RAB11FIP3: variants seen among roughly 807,000 people sequenced by gnomAD.
The protein encoded by RAB11FIP3 is RAB11 family interacting protein 3.
In RAB11FIP3, 17 loss-of-function variants were observed where a neutral mutation model predicts 77.8. The ratio of observed to expected loss-of-function variants is 0.22; its 90% CI spans 0.15 to 0.33. RAB11FIP3 has a LOEUF of 0.33. Ranked by LOEUF, RAB11FIP3 falls within the 10% of genes least tolerant of loss-of-function variation. The pLI is 1.00. For synonymous variants in RAB11FIP3, 437 were observed against 448.2 expected (o/e 0.98, Z 0.31); for missense variants, 1,005 against 1,011.2 (o/e 0.99, Z 0.08).
Position 455,062 on chromosome 16 carries a change from A to AC in RAB11FIP3, c.715-6342_715-6341insC, listed in dbSNP as rs1332488236. On this transcript the variant is annotated intron_variant, in intron 1 of 13. Coordinates refer to ENST00000262305, the MANE Select transcript of RAB11FIP3 (RefSeq NM_014700.4). ...GAAACTCCGTCTCAAAAAAAAAAAC[A>AC]AAAAAACTAGGCTTTCTTTCTTTTT... Among the ~76,000 whole-genome samples, 233 of 147,310 alleles carry AC rather than the reference A, an allele frequency of 1.6e-3. 3 individuals carry two copies. Among genetic ancestry groups the AC allele is most frequent in the African/African-American group, 5.1e-3 (206 of 40,380 alleles).
At chr16:465,972 G>T (rs1449135661) in intron 2 of RAB11FIP3, among the ~76,000 whole-genome samples, 1 of 152,172 alleles carries the variant, frequency 6.6e-6, no homozygotes, top group African/African-American at 2.4e-5. Context: ...GTAACTCCAC[G>T]CATTTTGAAT....
chr16:520,546 A>G lies in RAB11FIP3; in HGVS notation c.2104A>G (p.Thr702Ala). ...SIQGAKSLFS[T>A]AFSESLAAEI... ...CCAGGGCGCCAAGAGCCTCTTCTCC[A>G]CAGCCTTCTCTGAGTCCCTGGCTGC... is the stretch of plus-strand genomic sequence containing the variant. The change falls in exon 13 of 14, where the codon ACA (threonine) becomes GCA (alanine). Residue 702 changes from threonine to alanine, a missense_variant. Transcript: ENST00000262305. 6.2e-7 allele frequency: 1 copy of G among 1,613,688 alleles called. No individual in the cohort carries two copies. Among genetic ancestry groups the G allele is most frequent in the Non-Finnish European group, 8.5e-7 (1 of 1,180,018 alleles).
chr16:510,413 C>T, intron 8 of RAB11FIP3: 1 of 478,422 alleles, frequency 2.1e-6, no homozygotes, highest in Non-Finnish European at 3.8e-6. Context: ...TGGGTATCAG[C>T]TGGGCCTAGG....
chr16:495,551 G>A (rs1239690526), intron 5 of RAB11FIP3, among the ~76,000 whole-genome samples: 3 of 152,238 alleles, frequency 2.0e-5, no homozygotes, highest in Non-Finnish European at 4.4e-5. Flanking sequence ...GGGCCCTGCA[G>A]AGAGTGGTCA....
chr16:485,561 T>G (rs2056137539), intron 4 of RAB11FIP3, among the ~76,000 whole-genome samples: 2 of 152,026 alleles, frequency 1.3e-5, no homozygotes, highest in Admixed American at 6.5e-5. Context: ...TACAGGCACC[T>G]GCCATGGCGC....
chr16:488,940 C>T lies in RAB11FIP3; in HGVS notation c.1205C>T (p.Ser402Phe), dbSNP rs752519617. The T allele has an allele frequency of 6.2e-7, 1 of 1,614,056 alleles. No individual in the cohort carries two copies. Among genetic ancestry groups the T allele is most frequent in the East Asian group, 2.2e-5 (1 of 44,874 alleles). ...GGTGAAGGCAGTGAGGCGGAGCTGT[C>T]CCCAGAGACCCTATGCAACGGGCAG... is the stretch of plus-strand genomic sequence containing the variant. ...DYGEGSEAEL[S>F]PETLCNGQLG... The change falls in exon 5 of 14, where the codon TCC (serine) becomes TTC (phenylalanine). Residue 402 changes from serine (S) to phenylalanine (F), a missense_variant. This residue lies in a region of RAB11FIP3 where 433 missense variants were observed against 436.1 expected (regional missense o/e 0.99). Coordinates refer to ENST00000262305, the MANE Select transcript of RAB11FIP3 (RefSeq NM_014700.4).
intron 3 of RAB11FIP3, among the ~76,000 whole-genome samples, chr16:478,267 A>G (rs919883475): frequency 2.0e-5 from 3 of 148,266 alleles, no homozygotes; most frequent in African/African-American, 7.5e-5. Flanking sequence ...ATCTTGGCTC[A>G]CTGCAGCCTC....
chr16:453,262 G>A (rs1326700787), intron 1 of RAB11FIP3: 1 of 151,548 alleles, frequency 6.6e-6, no homozygotes, highest in Non-Finnish European at 1.5e-5. Context: ...TTTTAGTAGA[G>A]ACAGGGTTTC....
At chr16:475,815 C>T (rs2055894415) in intron 3 of RAB11FIP3, among the ~76,000 whole-genome samples, 1 of 152,332 alleles carries the variant, frequency 6.6e-6, no homozygotes, top group Non-Finnish European at 1.5e-5. Context: ...TGCACGGAGC[C>T]ACTCTGCAAT....
intron 5 of RAB11FIP3, among the ~76,000 whole-genome samples, chr16:492,394 C>CCCGGGGGACCCGAGGCCGCCCAGAGCCCT: frequency 6.2e-5 from 2 of 32,118 alleles, no homozygotes; most frequent in African/African-American, 2.6e-4. Context: ...CCAGAGCCCT[C>CCCGGGGGACCCGAGGCCGCCCAGAGCCCT]CCCGGGAGAC....
chr16:487,371 C>T (rs1045697064), intron 4 of RAB11FIP3, among the ~76,000 whole-genome samples: 4 of 152,162 alleles, frequency 2.6e-5, no homozygotes, highest in Admixed American at 6.5e-5. Flanking sequence ...ATCTGCCCGC[C>T]TCGGCCTCCC....
intron 6 of RAB11FIP3, among the ~76,000 whole-genome samples, chr16:501,533 TC>T (rs1180054622): frequency 2.4e-5 from 2 of 82,878 alleles, no homozygotes; most frequent in Non-Finnish European, 4.7e-5. Flanking sequence ...TCGGAGAGGG[TC>T]CCCCATTTCA....
chr16:515,136 G>A (rs768138469), intron 9 of RAB11FIP3, among the ~76,000 whole-genome samples: 2 of 152,218 alleles, frequency 1.3e-5, no homozygotes, highest in African/African-American at 2.4e-5. Flanking sequence ...GTCAGGCCTC[G>A]GGAAGGCAGT....
chr16:467,394 GTCAGGGAGGAGGTGCAGTAGCC>G (rs542984222), intron 2 of RAB11FIP3, among the ~76,000 whole-genome samples: 2,334 of 151,980 alleles, frequency 0.015, 27 homozygotes, highest in Non-Finnish European at 0.022. Flanking sequence ...TGGAGTGGGC[GTCAGGGAGGAGGTGCAGTAGCC>G]TCAGGGAGGA....
At chr16:454,511 C>T (rs1185767448) in intron 1 of RAB11FIP3, among the ~76,000 whole-genome samples, 1 of 152,084 alleles carries the variant, frequency 6.6e-6, no homozygotes, top group Non-Finnish European at 1.5e-5. Flanking sequence ...TAGTCGTTCA[C>T]ATCTAGCGTG....
Position 506,537 on chromosome 16 carries a change from G to C in RAB11FIP3, c.1499+910G>C, listed in dbSNP as rs1314182848. On this transcript the variant is annotated intron_variant, in intron 8 of 13. Transcript: ENST00000262305. This position sits in a 1 kb window ranked among gnomAD's most constrained non-coding sequence, Gnocchi z 4.5. ...AAGCTTCAGTGTCTTCATCACCACT[G>C]AGCAGGTAGATTCAGGGCTCTGAGC... 6.6e-6 allele frequency among the ~76,000 whole-genome samples: 1 copy of C among 152,202 alleles called. No homozygotes were observed. Among genetic ancestry groups the C allele is most frequent in the Non-Finnish European group, 1.5e-5 (1 of 68,040 alleles).
chr16:438,440 C>G (rs1220057498), intron 1 of RAB11FIP3, among the ~76,000 whole-genome samples: 1 of 115,778 alleles, frequency 8.6e-6, no homozygotes, highest in African/African-American at 3.5e-5. Context: ...GAGTCTTGTT[C>G]TGTCACCCAG....
At chr16:488,720 T>TC (rs11371105) in intron 4 of RAB11FIP3, 131 bp from the exon 5 acceptor site, 84,228 of 838,504 alleles carry the variant, frequency 0.1, 7,250 homozygotes, top group African/African-American at 0.34. Context: ...ACTTTTTTTT[T>TC]TTTTTTAAAC....
intron 1 of RAB11FIP3, among the ~76,000 whole-genome samples, chr16:446,181 C>T (rs2055313836): frequency 2.0e-5 from 3 of 152,068 alleles, no homozygotes; most frequent in Non-Finnish European, 4.4e-5. Context: ...GAGTTTGAAG[C>T]TGCAGTGAGC....
Sources: allele counts gnomAD v4.1 joint callset (sites outside exome capture counted in the v4.1 genomes callset), GRCh38; gene constraint gnomAD v4.1.1; regional missense constraint gnomAD v4.1.1; non-coding constraint Gnocchi (gnomAD v3.1); transcripts MANE v1.5; gene names NCBI Gene and HGNC (gene_info 2026-07-23, HGNC 2026-07-21).